The following TUT7 variants were observed in gnomAD, a reference collection of about 807,000 sequenced individuals.
TUT7 encodes the protein terminal uridylyltransferase 7.
A neutral mutation model predicts 165.9 loss-of-function variants in TUT7; 33 were observed. The observed-to-expected ratio is 0.20, with a 90% CI of 0.15 to 0.27. The LOEUF (loss-of-function observed/expected upper bound fraction) is 0.27. Ranked by LOEUF, TUT7 falls within the 10% of genes least tolerant of loss-of-function variation. The probability of loss-of-function intolerance (pLI) is 1.00; values close to 1 mark genes in which losing one functional copy is unlikely to be tolerated. For synonymous variants in TUT7, 552 were observed against 608.1 expected, an observed-to-expected ratio of 0.91 and a Z score of 1.36; for missense variants, 1,338 against 1,762.3, an observed-to-expected ratio of 0.76 and a Z score of 4.31.
intron 26 of TUT7, among the ~76,000 whole-genome samples, chr9:86,297,537 G>GC (rs1324253840): frequency 6.6e-6 from 1 of 152,158 alleles, no homozygotes; most frequent in Non-Finnish European, 1.5e-5. Context: ...GCTCAAGGCT[G>GC]AAGCTTATGG....
intron 1 of TUT7, among the ~76,000 whole-genome samples, chr9:86,353,507 T>C (rs552888517): frequency 6.6e-6 from 1 of 152,316 alleles, no homozygotes; most frequent in African/African-American, 2.4e-5. Flanking sequence ...TCCAGAACTG[T>C]AGCATAGTAG....
Position 86,353,047 on chromosome 9 carries a change from A to G in TUT7, c.153T>C (p.Leu51=). Residue 51 remains leucine, a synonymous_variant, in exon 2 of 27, where the codon CTT becomes CTC. Transcript: ENST00000375963. ...TCCCTGGTGTTATCTTCTTTTTTTG[A>G]AGGCCCTTTTCCATTTTACTGCCAT... is the stretch of plus-strand genomic sequence containing the variant. ...KGHGSKMEKG[L]QKKKITPGNY... is the part of the protein sequence containing the mutation. 6.2e-7 allele frequency: 1 copy of G among 1,613,998 alleles called. No individual in the cohort carries two copies. The highest frequency in any genetic ancestry group is 8.5e-7 in the Non-Finnish European group (1 of 1,179,988).
At chr9:86,313,521 C>T (rs376353126) in intron 17 of TUT7, among the ~76,000 whole-genome samples, 1 of 152,170 alleles carries the variant, frequency 6.6e-6, no homozygotes, top group African/African-American at 2.4e-5. Flanking sequence ...GTTTATCACC[C>T]TCATCTTACA....
intron 25 of TUT7, chr9:86,301,852 AG>A: frequency 1.0e-6 from 1 of 985,404 alleles, no homozygotes; most frequent in Non-Finnish European, 1.2e-6. Context: ...GACTGCAATT[AG>A]TGGCACTCCT....
rs1481680445 is a variant in TUT7, at chr9:86,318,984, T to C, written c.3190A>G (p.Thr1064Ala). 1 of 1,613,764 alleles carries C rather than the reference T, an allele frequency of 6.2e-7. No individual in the cohort carries two copies. Among genetic ancestry groups the C allele is most frequent in the Non-Finnish European group, 8.5e-7 (1 of 1,179,872 alleles). ...TCAGCAGTTTCAAGTCCATTAATTG[T>C]CATACAGACGTCAAGGTCACTCTGT... ...FKQSDLDVCM[T>A]INGLETAEGL... Residue 1064 changes from threonine to alanine, a missense_variant, in exon 16 of 27, where the codon ACA (threonine) becomes GCA (alanine). This residue lies in a region of TUT7 where 157 missense variants were observed against 357.5 expected (regional missense o/e 0.44). Transcript: ENST00000375963.
At chr9:86,288,834 C>T (rs985681310) in intron 26 of TUT7, 90 bp from the exon 27 acceptor site, 16 of 970,884 alleles carry the variant, frequency 1.6e-5, no homozygotes, top group South Asian at 3.0e-5. Flanking sequence ...ATTAAGTAGT[C>T]ACAAAAACTT....
At chr9:86,339,996 A>C (rs201453311) in intron 8 of TUT7, 40 bp downstream of exon 8, 147 of 1,520,556 alleles carry the variant, frequency 9.7e-5, no homozygotes, top group Non-Finnish European at 1.3e-4. Flanking sequence ...GCTTTTGGCA[A>C]GTTGAGAGTT....
At chr9:86,304,789 G>T in intron 24 of TUT7, 67 bp downstream of exon 24, 1 of 960,876 alleles carries the variant, frequency 1.0e-6, no homozygotes, top group Non-Finnish European at 1.6e-6. Context: ...AGTTACTACT[G>T]AAGTGATGTG....
intron 10 of TUT7, among the ~76,000 whole-genome samples, chr9:86,329,656 AAG>A (rs911427825): frequency 2.0e-5 from 3 of 152,204 alleles, no homozygotes; most frequent in African/African-American, 4.8e-5. Context: ...ATTGGTTTAG[AAG>A]AGAGTGATCC....
intron 4 of TUT7, 95 bp from the exon 5 acceptor site, chr9:86,345,249 C>G: frequency 8.5e-7 from 1 of 1,177,768 alleles, no homozygotes; most frequent in East Asian, 2.5e-5. Context: ...TTTTCTTTTT[C>G]TTAGCCCTCC....
At chr9:86,337,583 T>C in intron 9 of TUT7, 45 bp from the exon 10 acceptor site, 1 of 1,573,632 alleles carries the variant, frequency 6.4e-7, no homozygotes, top group Non-Finnish European at 8.6e-7. Flanking sequence ...TTTGTATGAA[T>C]TTGTCATTTA....
rs555073711 is a variant in TUT7, at chr9:86,349,139, C to T, written c.521-2659G>A. ...ACTAAAAATACAAAAATTAGCTGGG[C>T]GTGGTGGCAGGCACCTGTAATCCCA... On this transcript the variant is annotated intron_variant, in intron 2 of 26. Transcript: ENST00000375963. 4.6e-5 allele frequency among the ~76,000 whole-genome samples: 7 copies of T among 152,006 alleles called. No homozygotes were observed. The South Asian group carries it at 6.2e-4, about 14-fold the overall frequency.
chr9:86,298,693 A>C (rs1040317215), intron 26 of TUT7: 24 of 733,100 alleles, frequency 3.3e-5, no homozygotes, highest in Non-Finnish European at 3.5e-5. Flanking sequence ...TTGGAGAAAA[A>C]GTCTCAAAAG....
At chr9:86,313,065 C>T (rs931835576) in intron 17 of TUT7, among the ~76,000 whole-genome samples, 1 of 151,668 alleles carries the variant, frequency 6.6e-6, no homozygotes, top group Non-Finnish European at 1.5e-5. Context: ...TTATGCTGCT[C>T]CACTATTGTC....
At chr9:86,334,418 T>C (rs1040622080) in intron 10 of TUT7, among the ~76,000 whole-genome samples, 1 of 152,122 alleles carries the variant, frequency 6.6e-6, no homozygotes, top group African/African-American at 2.4e-5. Context: ...TTGTCCAAAC[T>C]GAGCCTTCGG....
At chr9:86,322,842 T>C (rs760741969) in intron 13 of TUT7, 31 bp downstream of exon 13, 3 of 1,537,944 alleles carry the variant, frequency 2.0e-6, no homozygotes, top group Non-Finnish European at 2.6e-6. Flanking sequence ...TAAAGTCTCC[T>C]AGTTCTATGA....
chr9:86,292,980 G>A (rs1287708648), intron 26 of TUT7, among the ~76,000 whole-genome samples: 1 of 151,884 alleles, frequency 6.6e-6, no homozygotes, highest in East Asian at 1.9e-4. Flanking sequence ...TAAAATATTT[G>A]CATGTAAAAA....
intron 25 of TUT7, among the ~76,000 whole-genome samples, chr9:86,302,197 C>T (rs1289549938): frequency 6.6e-6 from 1 of 152,104 alleles, no homozygotes; most frequent in Non-Finnish European, 1.5e-5. Flanking sequence ...CACTACCACC[C>T]AAAACAACGT....
At chr9:86,320,999 C>T (rs1829227572) in intron 14 of TUT7, among the ~76,000 whole-genome samples, 1 of 152,116 alleles carries the variant, frequency 6.6e-6, no homozygotes, top group African/African-American at 2.4e-5. Context: ...AGAATAACAC[C>T]ACCAACCTTT....
Sources: gnomAD v4.1 joint callset for allele counts (sites outside exome capture counted in the v4.1 genomes callset) on GRCh38, gnomAD v4.1.1 for gene constraint, gnomAD v4.1.1 regional missense constraint, MANE v1.5 for transcripts, NCBI Gene and HGNC (gene_info 2026-07-23, HGNC 2026-07-21) for gene names.